FLCN: variants seen among roughly 807,000 people sequenced by gnomAD.
The protein encoded by FLCN is BHD skin lesion fibrofolliculoma protein.
A neutral mutation model predicts 62.5 loss-of-function variants in FLCN; 22 were observed. That is an observed-to-expected ratio of 0.35 (90% CI 0.25 to 0.50). The LOEUF (loss-of-function observed/expected upper bound fraction) is 0.50, where lower values mean the gene tolerates loss of function less well. Among genes scored for constraint, FLCN ranks in the 20% least tolerant of loss-of-function variants. FLCN has a pLI of 0.97. For synonymous variants in FLCN, 319 were observed against 310.0 expected, an observed-to-expected ratio of 1.03 and a Z score of -0.30; for missense variants, 657 against 778.0, an observed-to-expected ratio of 0.84 and a Z score of 1.85.
intron 9 of FLCN, chr17:17,217,509 T>C (rs1025295533): frequency 2.9e-5 from 11 of 385,204 alleles, no homozygotes; most frequent in African/African-American, 1.0e-4. Context: ...GCTGAACCAT[T>C]TGAAAGCAAG....
At chr17:17,218,592 G>A (rs907057285) in intron 9 of FLCN, among the ~76,000 whole-genome samples, 1 of 151,946 alleles carries the variant, frequency 6.6e-6, no homozygotes, top group Non-Finnish European at 1.5e-5. Flanking sequence ...ATGTTGGCCA[G>A]GCTGGTCTCG....
At chr17:17,215,606 C>A (rs1183764631) in intron 11 of FLCN, among the ~76,000 whole-genome samples, 3 of 152,212 alleles carry the variant, frequency 2.0e-5, no homozygotes, top group Non-Finnish European at 4.4e-5. Flanking sequence ...TGAGGGTGGT[C>A]TCACCATGAC....
intron 11 of FLCN, 111 bp from the exon 12 acceptor site, chr17:17,215,427 G>T: frequency 6.5e-7 from 1 of 1,549,240 alleles, no homozygotes; most frequent in Non-Finnish European, 8.8e-7. Flanking sequence ...GGGGAAGGCT[G>T]CTGGTGAAAA....
Position 17,221,577 on chromosome 17 carries a change from A to G in FLCN, c.831T>C (p.Ala277=), listed in dbSNP as rs2047091046. The G allele has an allele frequency of 6.2e-7, 1 of 1,611,658 alleles. No homozygotes were observed. Among genetic ancestry groups the G allele is most frequent in the Non-Finnish European group, 8.5e-7 (1 of 1,179,986 alleles). Residue 277 remains alanine, a synonymous_variant, in exon 8 of 14, where the codon GCT becomes GCC. Transcript: ENST00000285071. The part of the protein sequence containing the change: ...SRLTEKLLEG[A]PTEDTLVQME... ...TCTGGACCAAGGTATCCTCGGTCGG[A>G]GCACCTTCCAGGAGCTTCTCGGTCA...
chr17:17,226,030 G>A, intron 5 of FLCN, 146 bp downstream of exon 5: 1 of 1,152,826 alleles, frequency 8.7e-7, no homozygotes, highest in Non-Finnish European at 1.3e-6. Context: ...GAGGCGTCCT[G>A]TACCCTGTGC....
In FLCN at chr17:17,219,022, C is replaced by T. The variant is rs751513488; in HGVS notation, c.1059G>A (p.Arg353=). The T allele has an allele frequency of 2.3e-5, 37 of 1,613,428 alleles. No homozygotes were observed. The highest frequency in any genetic ancestry group is 2.9e-5 in the Non-Finnish European group (34 of 1,179,972). ...LPVFKSLRHM[R]QVLGAPSFRM... Reference sequence around the variant, plus strand: ...GCGCTGTGCCCCTGCCGCCTACCTGCCTCATGTGCCGGAGGGACTTGAAGA... The same window carrying T: ...GCGCTGTGCCCCTGCCGCCTACCTGTCTCATGTGCCGGAGGGACTTGAAGA... The change falls in exon 9 of 14, where the codon AGG becomes AGA. Residue 353 remains arginine, a synonymous_variant. Transcript: ENST00000285071.
intron 6 of FLCN, 29 bp downstream of exon 6, chr17:17,223,893 C>A: frequency 6.2e-7 from 1 of 1,610,756 alleles, no homozygotes; most frequent in Non-Finnish European, 8.5e-7. Flanking sequence ...GGGCCCCCTG[C>A]CGCCCCGGCA....
chr17:17,222,097 G>A (rs184662141), intron 7 of FLCN, among the ~76,000 whole-genome samples: 143 of 151,856 alleles, frequency 9.4e-4, no homozygotes, highest in Non-Finnish European at 1.5e-3. Context: ...AGCACTCTGG[G>A]AGGCTGAGGC....
chr17:17,230,165 C>T (rs1396137795), intron 3 of FLCN, among the ~76,000 whole-genome samples: 1 of 152,286 alleles, frequency 6.6e-6, no homozygotes, highest in Non-Finnish European at 1.5e-5. Context: ...CAGCCAGACC[C>T]ACATTGTCCA....
chr17:17,213,453 C>T lies in FLCN; in HGVS notation c.*202G>A, dbSNP rs975029687. On this transcript the variant is annotated 3_prime_UTR_variant, in exon 14 of 14. Transcript: ENST00000285071. ...CTCCGCCTTTCATTGCCATCTTCAG[C>T]GATTCCAACGGCTGGAGGGAGAGTC... 1.2e-5 allele frequency: 8 copies of T among 666,286 alleles called. No individual in the cohort carries two copies. Among genetic ancestry groups the T allele is most frequent in the African/African-American group, 5.4e-5 (3 of 55,884 alleles). 41.3% of individuals were successfully genotyped at this position (666,286 alleles called of 1,614,324 possible). A position where few individuals can be genotyped will look rare whatever the true frequency, so the allele number is the denominator to read the frequency against.
At position 17,216,509 on chromosome 17, in the gene FLCN, G is replaced by A. The variant is rs1375592785; in HGVS notation, c.1177-6C>T. The A allele has an allele frequency of 6.2e-7, 1 of 1,613,692 alleles. No individual in the cohort carries two copies. The highest frequency in any genetic ancestry group is 1.1e-5 in the South Asian group (1 of 91,062). On this transcript the variant is annotated splice_region_variant and splice_polypyrimidine_tract_variant and intron_variant, in intron 10 of 13. Coordinates refer to ENST00000285071, the MANE Select transcript of FLCN (RefSeq NM_144997.7). The surrounding 1 kb of genome is among the most constrained non-coding windows in gnomAD (Gnocchi z 4.0). ...CAGCCCACGGGAAGCATGGTCTGAGGAGGACAGCAGGACTCAGACCAAGGA... is the reference window on the plus strand; with the variant it reads ...CAGCCCACGGGAAGCATGGTCTGAGAAGGACAGCAGGACTCAGACCAAGGA...
At chr17:17,221,080 G>C in intron 8 of FLCN, 1 of 1,156,300 alleles carries the variant, frequency 8.6e-7, no homozygotes, top group Admixed American at 3.2e-5. Context: ...CCCAAACACA[G>C]GGCCCCAAGC....
Position 17,223,928 on chromosome 17 carries a change from C to T in FLCN, c.612G>A (p.Ala204=), listed in dbSNP as rs763168749. ...ACCTCATCTCTGAATTCACCTTGAG[C>T]GCCTTGCCCTGGAGCTCATCGATGA... ...RGIIDELQGK[A]LKVFEAEQFG... The change falls in exon 6 of 14, where the codon GCG becomes GCA. Residue 204 remains alanine (A), a synonymous_variant. Transcript: ENST00000285071. 5.0e-6 allele frequency: 8 copies of T among 1,613,190 alleles called. No individual in the cohort carries two copies. In the East Asian group the frequency reaches 6.7e-5, roughly 13 times the overall value.
chr17:17,226,329 A>T lies in FLCN; in HGVS notation c.250-7T>A. 6.2e-7 allele frequency: 1 copy of T among 1,614,198 alleles called. No homozygotes were observed. Among genetic ancestry groups the T allele is most frequent in the Non-Finnish European group, 8.5e-7 (1 of 1,180,044 alleles). On this transcript the variant is annotated splice_polypyrimidine_tract_variant and splice_region_variant and intron_variant, in intron 4 of 13. Transcript: ENST00000285071. ...CAGCAAGTGACCGGCAGCCCTGTCC[A>T]TGAAAAGGAAAAGTAAATCTGTTAG...
chr17:17,218,777 A>G (rs1329355566), intron 9 of FLCN, among the ~76,000 whole-genome samples: 2 of 152,320 alleles, frequency 1.3e-5, no homozygotes, highest in East Asian at 1.9e-4. Context: ...TTAGAGGACC[A>G]TGGGATGCCA....
chr17:17,224,581 G>A, intron 5 of FLCN: 1 of 308,840 alleles, frequency 3.2e-6, no homozygotes, highest in Non-Finnish European at 6.3e-6. Flanking sequence ...TGTCACCCAG[G>A]CTGGAATGCA....
intron 1 of FLCN, among the ~76,000 whole-genome samples, chr17:17,233,451 C>T (rs2047481492): frequency 6.6e-6 from 1 of 151,532 alleles, no homozygotes; most frequent in South Asian, 2.1e-4. Context: ...CAAAAAAAAT[C>T]AGCCAGGCAT....
chr17:17,224,032 A>T lies in FLCN; in HGVS notation c.508T>A (p.Tyr170Asn), dbSNP rs2047176993. The change falls in exon 6 of 14, where the codon TAC (tyrosine) becomes AAC (asparagine). Residue 170 changes from tyrosine to asparagine, a missense_variant. Tyr to Asn is a moderately radical substitution (Grantham distance 143). Transcript: ENST00000285071. ...TCCATCATGATGGTGATGATGCTGT[A>T]CCAGCGCTGGAAGCCCCTGGCCAGG... Reference protein sequence around the residue: ...DSLARGFQRWYSIITIMMDRI... With the variant: ...DSLARGFQRWNSIITIMMDRI... 6.2e-7 allele frequency: 1 copy of T among 1,613,870 alleles called. No individual in the cohort carries two copies. The highest frequency in any genetic ancestry group is 8.5e-7 in the Non-Finnish European group (1 of 1,180,042).
intron 13 of FLCN, among the ~76,000 whole-genome samples, chr17:17,214,136 C>T (rs777690783): frequency 2.8e-5 from 4 of 141,618 alleles, no homozygotes; most frequent in African/African-American, 6.0e-5. Flanking sequence ...GTTGTCAAGA[C>T]GCCAAGAAGA....
Sources: allele counts gnomAD v4.1 joint callset (sites outside exome capture counted in the v4.1 genomes callset), GRCh38; gene constraint gnomAD v4.1.1; non-coding constraint Gnocchi (gnomAD v3.1); transcripts MANE v1.5; gene names NCBI Gene and HGNC (gene_info 2026-07-23, HGNC 2026-07-21).